The following TMEM132D variants were observed in gnomAD, a reference collection of about 807,000 sequenced individuals.
The protein encoded by TMEM132D is transmembrane protein 132D, also known as mature OL transmembrane protein.
TMEM132D carries 21 observed loss-of-function variants against 62.3 expected under a neutral mutation model. The ratio of observed to expected loss-of-function variants is 0.34; its 90% CI spans 0.24 to 0.49. The LOEUF (loss-of-function observed/expected upper bound fraction) is 0.49, where lower values mean the gene tolerates loss of function less well. TMEM132D is among the 20% of genes least tolerant of loss of function. TMEM132D has a pLI of 0.99. For missense variants in TMEM132D, 1,346 were observed against 1,402.8 expected, an observed-to-expected ratio of 0.96 and a Z score of 0.65; for synonymous variants, 621 against 575.6, an observed-to-expected ratio of 1.08 and a Z score of -1.13.
At position 129,810,725 on chromosome 12, in the gene TMEM132D, C is replaced by G. The variant is rs1823639594; in HGVS notation, c.79+92536G>C. On this transcript the variant is annotated intron_variant, in intron 1 of 8. Transcript: ENST00000422113. ...CTGAGTGGTATCATTCCAGGAATAA[C>G]AAAACATTCAAACAAGTATTAATTT... is the stretch of plus-strand genomic sequence containing the variant. Among the ~76,000 whole-genome samples, 4 of 152,072 alleles carry G rather than the reference C, an allele frequency of 2.6e-5. No homozygotes were observed. The South Asian group carries it at 8.3e-4, about 31-fold the overall frequency.
At chr12:129,877,173 T>TAATAATTATATTATAATTAA (rs59715068) in intron 1 of TMEM132D, among the ~76,000 whole-genome samples, 133,274 of 148,356 alleles carry the variant, frequency 0.9, 61,561 homozygotes, top group East Asian at 1. Context: ...AATATTATAT[T>TAATAATTATATTATAATTAA]TATAATTATG....
At chr12:129,524,701 G>C (rs1042706897) in intron 3 of TMEM132D, among the ~76,000 whole-genome samples, 4 of 151,642 alleles carry the variant, frequency 2.6e-5, no homozygotes, top group Non-Finnish European at 5.9e-5. Context: ...TTATTAGCCA[G>C]ATACTGACAA....
At position 129,668,110 on chromosome 12, in the gene TMEM132D, C is replaced by T. The variant is rs1258645192; in HGVS notation, c.968+31700G>A. ...TTGTGACATTAGAATAGAGGAAAAACTTTCAAATAGAAAAGCGAATGGCAT... is the reference window on the plus strand; with the variant it reads ...TTGTGACATTAGAATAGAGGAAAAATTTTCAAATAGAAAAGCGAATGGCAT... On this transcript the variant is annotated intron_variant, in intron 2 of 8. Transcript: ENST00000422113. Among the ~76,000 whole-genome samples the T allele has an allele frequency of 3.3e-5, 5 of 151,262 alleles. No individual in the cohort carries two copies. In the East Asian group the frequency reaches 1.0e-3, roughly 30 times the overall value.
At chr12:129,262,994 C>A (rs1880591412) in intron 4 of TMEM132D, among the ~76,000 whole-genome samples, 1 of 152,138 alleles carries the variant, frequency 6.6e-6, no homozygotes. Flanking sequence ...GGAGCTCCAA[C>A]AATAGAGCAG....
chr12:129,457,480 T>C (rs1439628204), intron 3 of TMEM132D, among the ~76,000 whole-genome samples: 1 of 149,568 alleles, frequency 6.7e-6, no homozygotes, highest in African/African-American at 2.5e-5. Context: ...TTAGGAGATA[T>C]ACCTAATGCT....
At chr12:129,603,544 T>C (rs1490913685) in intron 2 of TMEM132D, among the ~76,000 whole-genome samples, 1 of 152,194 alleles carries the variant, frequency 6.6e-6, no homozygotes, top group Non-Finnish European at 1.5e-5. Context: ...AAGACATTTA[T>C]GTGGCCAAGA....
intron 1 of TMEM132D, among the ~76,000 whole-genome samples, chr12:129,803,838 T>TA (rs1593168249): frequency 1.4e-5 from 2 of 147,408 alleles, no homozygotes; most frequent in East Asian, 4.0e-4. Flanking sequence ...ATAGATGCAA[T>TA]AAAAAATGAT....
At chr12:129,472,004 A>G (rs1486914314) in intron 3 of TMEM132D, among the ~76,000 whole-genome samples, 1 of 152,248 alleles carries the variant, frequency 6.6e-6, no homozygotes, top group Non-Finnish European at 1.5e-5. Context: ...AACTGTCTCC[A>G]TGACATAAAA....
At chr12:129,476,801 C>T (rs1322294244) in intron 3 of TMEM132D, among the ~76,000 whole-genome samples, 5 of 152,162 alleles carry the variant, frequency 3.3e-5, no homozygotes, top group African/African-American at 1.2e-4. Context: ...GCAAAGTAAG[C>T]AAAGCTTAAT....
rs1488482058 is a variant in TMEM132D, at chr12:129,525,238, T to G, written c.1115+5821A>C. Among the ~76,000 whole-genome samples, 34 of 134,222 alleles carry G rather than the reference T, an allele frequency of 2.5e-4. 1 individual carries two copies. The highest frequency in any genetic ancestry group is 8.8e-4 in the Admixed American group (12 of 13,662). The allele number at this position is 134,222 out of a possible 152,430, so 88.1% of individuals were successfully genotyped here. On this transcript the variant is annotated intron_variant, in intron 3 of 8. Transcript: ENST00000422113. The stretch of plus-strand genomic sequence containing the variant: ...CGGTGCCCAGCCGGTTTTTTTTTTT[T>G]TTTTTTTTTTTTTTTTTGCTAATAT...
At chr12:129,340,623 CA>C (rs1869442628) in intron 3 of TMEM132D, among the ~76,000 whole-genome samples, 1 of 152,174 alleles carries the variant, frequency 6.6e-6, no homozygotes, top group Admixed American at 6.5e-5. Context: ...CATGTCCCTA[CA>C]AAGGACATGA....
chr12:129,479,612 A>G (rs1199154412), intron 3 of TMEM132D, among the ~76,000 whole-genome samples: 2 of 152,242 alleles, frequency 1.3e-5, no homozygotes, highest in Non-Finnish European at 2.9e-5. Flanking sequence ...AGAACATGAT[A>G]AATAAGTTAA....
At chr12:129,689,233 A>T (rs1349111518) in intron 2 of TMEM132D, among the ~76,000 whole-genome samples, 1 of 152,222 alleles carries the variant, frequency 6.6e-6, no homozygotes, top group Non-Finnish European at 1.5e-5. Flanking sequence ...GAACAGGGGC[A>T]GCACTTAAAT....
intron 3 of TMEM132D, among the ~76,000 whole-genome samples, chr12:129,376,144 T>C (rs1237774609): frequency 2.6e-5 from 4 of 152,016 alleles, no homozygotes; most frequent in Non-Finnish European, 5.9e-5. Context: ...CAGGGGGAAA[T>C]ACAACAATCC....
intron 2 of TMEM132D, among the ~76,000 whole-genome samples, chr12:129,667,548 G>A (rs1007007615): frequency 4.6e-5 from 7 of 152,058 alleles, no homozygotes; most frequent in Non-Finnish European, 8.8e-5. Context: ...ACGATGACCA[G>A]GGATTGTATT....
intron 2 of TMEM132D, among the ~76,000 whole-genome samples, chr12:129,587,691 G>A (rs2137131964): frequency 6.6e-6 from 1 of 152,136 alleles, no homozygotes; most frequent in Middle Eastern, 3.4e-3. Context: ...TTCACCTTAG[G>A]CCTTCTCGGC....
intron 5 of TMEM132D, among the ~76,000 whole-genome samples, chr12:129,102,102 C>A (rs1875329348): frequency 6.6e-6 from 1 of 151,734 alleles, no homozygotes; most frequent in Admixed American, 6.6e-5. Flanking sequence ...CAGAGATGAC[C>A]CTTGCCTGGG....
chr12:129,175,907 C>T (rs934533631), intron 5 of TMEM132D, among the ~76,000 whole-genome samples: 4 of 152,138 alleles, frequency 2.6e-5, no homozygotes, highest in Admixed American at 2.0e-4. Flanking sequence ...GGGTTTAAGA[C>T]GTGAAGTAAA....
chr12:129,319,928 G>A (rs185952051), intron 4 of TMEM132D, among the ~76,000 whole-genome samples: 2 of 152,312 alleles, frequency 1.3e-5, no homozygotes, highest in African/African-American at 2.4e-5. Context: ...CTACAATGAT[G>A]ATGGACTGTG....
Sources: gnomAD v4.1 joint callset for allele counts (sites outside exome capture counted in the v4.1 genomes callset) on GRCh38, gnomAD v4.1.1 for gene constraint, MANE v1.5 for transcripts, NCBI Gene and HGNC (gene_info 2026-07-23, HGNC 2026-07-21) for gene names.